Variants in ERCC6L2 observed in about 807,000 individuals in gnomAD.
ERCC6L2 encodes the protein ERCC excision repair 6 like 2.
A neutral mutation model predicts 132.0 loss-of-function variants in ERCC6L2; 77 were observed. The ratio of observed to expected loss-of-function variants is 0.58; its 90% CI spans 0.49 to 0.71. ERCC6L2 has a LOEUF of 0.71. Ranked by LOEUF, ERCC6L2 falls within the 30% of genes least tolerant of loss-of-function variation. The pLI, the probability that ERCC6L2 is intolerant of heterozygous loss-of-function variation, is 0.00. For synonymous variants in ERCC6L2, 583 were observed against 632.4 expected (o/e 0.92, Z 1.17); for missense variants, 1,542 against 1,837.6 (o/e 0.84, Z 2.94).
At chr9:95,901,427 A>G (rs1828772208) in intron 3 of ERCC6L2, among the ~76,000 whole-genome samples, 1 of 152,220 alleles carries the variant, frequency 6.6e-6, no homozygotes, top group Non-Finnish European at 1.5e-5. Context: ...TACTGATGCT[A>G]GAATCAGTTT....
At chr9:95,928,326 AG>A in intron 10 of ERCC6L2, 176 bp downstream of exon 10, 1 of 475,382 alleles carries the variant, frequency 2.1e-6, no homozygotes, top group Non-Finnish European at 3.7e-6. Context: ...CAATTGTTTC[AG>A]GGTTGCTAAA....
chr9:95,989,381 T>TA (rs1457300144), intron 17 of ERCC6L2, among the ~76,000 whole-genome samples: 1 of 152,184 alleles, frequency 6.6e-6, no homozygotes, highest in East Asian at 1.9e-4. Context: ...GCCAATTCAT[T>TA]AGCATAGAAA....
rs12001378 is a variant in ERCC6L2, at chr9:96,038,461, C to G, written c.*1504-415C>G. On this transcript the variant is annotated intron_variant and NMD_transcript_variant, in intron 19 of 20. Transcript: ENST00000670016. ...CTGGGAGAGAGGCAGGCTTTTGGAA[C>G]AGCAGTAGGAGTCACCTGGGCCTGA... 2.8e-3 allele frequency among the ~76,000 whole-genome samples: 422 copies of G among 152,290 alleles called. 1 individual carries two copies. The highest frequency in any genetic ancestry group is 9.7e-3 in the African/African-American group (404 of 41,578).
chr9:95,956,147 C>T (rs1334173656), intron 13 of ERCC6L2, 134 bp downstream of exon 13: 2 of 454,902 alleles, frequency 4.4e-6, no homozygotes, highest in Non-Finnish European at 7.6e-6. Flanking sequence ...AAAAATTACC[C>T]TTGAATACAC....
chr9:96,010,335 C>T (rs1484740268), intron 18 of ERCC6L2, among the ~76,000 whole-genome samples: 1 of 152,108 alleles, frequency 6.6e-6, no homozygotes, highest in Admixed American at 6.5e-5. Flanking sequence ...ATGGTCTGCC[C>T]CTAAAAGCAA....
intron 19 of ERCC6L2, among the ~76,000 whole-genome samples, chr9:96,024,152 G>A (rs1404749108): frequency 1.3e-5 from 2 of 152,194 alleles, no homozygotes; most frequent in African/African-American, 4.8e-5. Context: ...AGAAACCAAA[G>A]TGATGCCACT....
At chr9:95,982,770 T>C (rs2133126505) in intron 17 of ERCC6L2, among the ~76,000 whole-genome samples, 1 of 152,310 alleles carries the variant, frequency 6.6e-6, no homozygotes, top group East Asian at 1.9e-4. Context: ...TTTGTGTTTC[T>C]ACACCTAGAA....
intron 13 of ERCC6L2, among the ~76,000 whole-genome samples, chr9:95,959,415 A>G: frequency 6.6e-6 from 1 of 151,714 alleles, no homozygotes; most frequent in East Asian, 1.9e-4. Context: ...TAGACCTAAA[A>G]CCATAAAAAC....
chr9:95,915,535 C>G, intron 4 of ERCC6L2, 133 bp from the exon 5 acceptor site: 1 of 864,512 alleles, frequency 1.2e-6, no homozygotes, highest in Non-Finnish European at 1.8e-6. Flanking sequence ...GGGTAAGAAT[C>G]CAATGGAGTC....
chr9:95,908,897 T>C (rs1344664142), intron 4 of ERCC6L2, among the ~76,000 whole-genome samples: 1 of 152,172 alleles, frequency 6.6e-6, no homozygotes, highest in African/African-American at 2.4e-5. Context: ...AGCATTAAAA[T>C]GATTTAGCAT....
At chr9:95,907,337 A>ATTTT in intron 4 of ERCC6L2, 66 bp downstream of exon 4, 26 of 558,410 alleles carry the variant, frequency 4.7e-5, no homozygotes, top group Non-Finnish European at 5.2e-5. Context: ...TTATATTAAG[A>ATTTT]GTTTTTTTTT....
chr9:95,976,338 G>GGA (rs1274564141), intron 16 of ERCC6L2, among the ~76,000 whole-genome samples: 1 of 152,072 alleles, frequency 6.6e-6, no homozygotes, highest in Non-Finnish European at 1.5e-5. Context: ...AGCCCTGGTG[G>GGA]GTCAGTTTGG....
At position 96,017,961 on chromosome 9, in the gene ERCC6L2, G is replaced by A. The variant is rs1834216301; in HGVS notation, c.*4758G>A. 6.6e-6 allele frequency among the ~76,000 whole-genome samples: 1 copy of A among 152,170 alleles called. No individual in the cohort carries two copies. Among genetic ancestry groups the A allele is most frequent in the African/African-American group, 2.4e-5 (1 of 41,432 alleles). On this transcript the variant is annotated 3_prime_UTR_variant, in exon 19 of 19. Transcript: ENST00000653738. ...ACAACATAGATGAATCTTGAGGACG[G>A]TATGCAAAGTGAAATAAATCAGACA...
At chr9:95,984,931 CAG>C (rs1833040794) in intron 17 of ERCC6L2, among the ~76,000 whole-genome samples, 1 of 151,946 alleles carries the variant, frequency 6.6e-6, no homozygotes, top group Admixed American at 6.5e-5. Context: ...GTTAATCAGT[CAG>C]GGGAATGATC....
chr9:95,886,025 G>GT (rs1236178883), intron 2 of ERCC6L2, among the ~76,000 whole-genome samples: 2 of 151,886 alleles, frequency 1.3e-5, no homozygotes, highest in Non-Finnish European at 1.5e-5. Context: ...TTCTCTTTTT[G>GT]TTTTTTTGAG....
chr9:95,956,526 C>A (rs1027141905), intron 13 of ERCC6L2, among the ~76,000 whole-genome samples: 5 of 152,112 alleles, frequency 3.3e-5, no homozygotes, highest in African/African-American at 1.2e-4. Context: ...AAGAACTGCC[C>A]AAGACTGGGT....
At chr9:95,939,605 T>C (rs553349656) in intron 11 of ERCC6L2, among the ~76,000 whole-genome samples, 31 of 152,326 alleles carry the variant, frequency 2.0e-4, no homozygotes, top group Admixed American at 1.5e-3. Context: ...ATTTGGCAAG[T>C]TTTGTATTTC....
At chr9:95,882,637 A>G (rs542155897) in intron 2 of ERCC6L2, among the ~76,000 whole-genome samples, 4 of 151,762 alleles carry the variant, frequency 2.6e-5, no homozygotes, top group Non-Finnish European at 5.9e-5. Context: ...CAAATTTCAG[A>G]CACCAATGAT....
intron 19 of ERCC6L2, among the ~76,000 whole-genome samples, chr9:96,032,684 C>G (rs141528551): frequency 6.6e-6 from 1 of 152,200 alleles, no homozygotes; most frequent in Admixed American, 6.5e-5. Context: ...GCTGCCTCAC[C>G]AGGAGCCCGG....
Sources: gnomAD v4.1 joint callset for allele counts (sites outside exome capture counted in the v4.1 genomes callset) on GRCh38, gnomAD v4.1.1 for gene constraint, MANE v1.5 for transcripts, NCBI Gene and HGNC (gene_info 2026-07-23, HGNC 2026-07-21) for gene names.